Variants in WDFY4 observed in about 807,000 individuals in gnomAD.
WDFY4 encodes the protein WD repeat- and FYVE domain-containing protein 4.
A neutral mutation model predicts 351.9 loss-of-function variants in WDFY4; 169 were observed. The observed-to-expected ratio is 0.48, with a 90% CI of 0.42 to 0.55. The LOEUF is 0.55. Ranked by LOEUF, WDFY4 falls within the 20% of genes least tolerant of loss-of-function variation. The probability of loss-of-function intolerance (pLI) is 0.00; values close to 1 mark genes in which losing one functional copy is unlikely to be tolerated. For synonymous variants in WDFY4, 1,622 were observed against 1,574.6 expected (o/e 1.03, Z -0.71); for missense variants, 3,803 against 3,935.6 (o/e 0.97, Z 0.90).
At chr10:48,900,066 C>G (rs1771778425) in intron 45 of WDFY4, among the ~76,000 whole-genome samples, 155 bp from the exon 46 acceptor site, 1 of 152,176 alleles carries the variant, frequency 6.6e-6, no homozygotes, top group South Asian at 2.1e-4. Flanking sequence ...ATCCCTGTCA[C>G]CAAGGTCTTC....
chr10:48,914,227 G>C, intron 47 of WDFY4: 1 of 1,485,222 alleles, frequency 6.7e-7, no homozygotes, highest in Admixed American at 2.0e-5. Context: ...GAAAAATCAT[G>C]AAAAACTGCT....
chr10:48,842,265 G>A (rs2068632272), intron 39 of WDFY4, among the ~76,000 whole-genome samples: 1 of 151,942 alleles, frequency 6.6e-6, no homozygotes, highest in South Asian at 2.1e-4. Context: ...GCCCATCAAT[G>A]TGGGTGCGGG....
chr10:48,917,254 T>C (rs1421176895), intron 47 of WDFY4, among the ~76,000 whole-genome samples: 1 of 152,218 alleles, frequency 6.6e-6, no homozygotes, highest in Non-Finnish European at 1.5e-5. Flanking sequence ...CATGTGCCTC[T>C]ATCTCTATCT....
chr10:48,764,177 G>A (rs2065597003), intron 13 of WDFY4, among the ~76,000 whole-genome samples: 1 of 152,142 alleles, frequency 6.6e-6, no homozygotes, highest in African/African-American at 2.4e-5. Context: ...ATGTCATCTT[G>A]GAGGCCACAA....
intron 39 of WDFY4, among the ~76,000 whole-genome samples, chr10:48,861,082 T>C (rs1488019661): frequency 6.6e-6 from 1 of 152,184 alleles, no homozygotes; most frequent in Admixed American, 6.5e-5. Flanking sequence ...TCTCTCTGTG[T>C]AGGTTTTTTA....
chr10:48,947,054 G>A, intron 51 of WDFY4, 85 bp downstream of exon 51: 1 of 1,142,620 alleles, frequency 8.8e-7, no homozygotes, highest in Non-Finnish European at 1.2e-6. Flanking sequence ...ACCTGTGCTT[G>A]AACAAAGACA....
chr10:48,823,569 C>T, intron 35 of WDFY4: 1 of 1,067,958 alleles, frequency 9.4e-7, no homozygotes, highest in Non-Finnish European at 1.1e-6. Context: ...GACTTGAATT[C>T]AAAGGCTTCT....
intron 12 of WDFY4, among the ~76,000 whole-genome samples, chr10:48,751,016 T>C (rs1254612009): frequency 6.6e-6 from 1 of 152,194 alleles, no homozygotes; most frequent in Non-Finnish European, 1.5e-5. Context: ...TCGTGCCTGG[T>C]GTCCTGAAGA....
At chr10:48,862,022 G>A (rs910160016) in intron 39 of WDFY4, among the ~76,000 whole-genome samples, 2 of 152,016 alleles carry the variant, frequency 1.3e-5, no homozygotes, top group Admixed American at 1.3e-4. Context: ...TATCTGATAA[G>A]GTGTTCTATT....
At chr10:48,703,785 C>T (rs2063546153) in intron 1 of WDFY4, among the ~76,000 whole-genome samples, 1 of 152,210 alleles carries the variant, frequency 6.6e-6, no homozygotes, top group African/African-American at 2.4e-5. Flanking sequence ...TTGCTTCATG[C>T]TCCAGATGTT....
intron 13 of WDFY4, among the ~76,000 whole-genome samples, chr10:48,761,107 G>A (rs1277980389): frequency 1.3e-5 from 2 of 152,132 alleles, no homozygotes; most frequent in East Asian, 1.9e-4. Flanking sequence ...TCTCTAGATG[G>A]TGACATGTAA....
In WDFY4 at chr10:48,966,436, C is replaced by G. The variant is rs147239365; in HGVS notation, c.8437-90C>G. On this transcript the variant is annotated intron_variant, in intron 54 of 61. Coordinates refer to ENST00000325239, the MANE Select transcript of WDFY4 (RefSeq NM_001394531.1). Reference sequence around the variant, plus strand: ...GAACAAGCCGAGCTGTGGCAACCCCCAGAGACAGGGTGCAGCTACAGTGTG... The same window carrying G: ...GAACAAGCCGAGCTGTGGCAACCCCGAGAGACAGGGTGCAGCTACAGTGTG... The G allele has an allele frequency of 1.7e-4, 242 of 1,404,636 alleles. No homozygotes were observed. In the African/African-American group the frequency reaches 2.8e-3, roughly 16 times the overall value. The allele number at this position is 1,404,636 out of a possible 1,614,324, so 87.0% of individuals were successfully genotyped here. A position where few individuals can be genotyped will look rare whatever the true frequency, so the allele number is the denominator to read the frequency against.
At position 48,723,541 on chromosome 10, in the gene WDFY4, C is replaced by T; in HGVS notation, c.565C>T (p.Leu189Phe). ...CAAAGATGAGCTTCTTGAGAGTGAT[C>T]TTCAAGTTCAAAAGATGTTCGTGCA... ...LDKDELLESD[L>F]QVQKMFVQML... Residue 189 changes from leucine (L) to phenylalanine (F), a missense_variant, in exon 5 of 62, where the codon CTT (leucine) becomes TTT (phenylalanine). By Grantham distance (22) the Leu-to-Phe change is conservative (BLOSUM62 0). Coordinates refer to ENST00000325239, the MANE Select transcript of WDFY4 (RefSeq NM_001394531.1). 2 of 1,551,972 alleles carry T rather than the reference C, an allele frequency of 1.3e-6. No homozygotes were observed. The highest frequency in any genetic ancestry group is 2.4e-5 in the South Asian group (2 of 84,056).
rs1554824264 is a variant in WDFY4, at chr10:48,974,527, A to AC, written c.8929-335_8929-334insC. ...CAAAAAAAAAAAAAAAAAAAAAAAA[A>AC]AACAACTCATGACATGAACTGCTCC... On this transcript the variant is annotated intron_variant, in intron 57 of 61. Coordinates refer to ENST00000325239, the MANE Select transcript of WDFY4 (RefSeq NM_001394531.1). Among the ~76,000 whole-genome samples, 48 of 23,198 alleles carry AC rather than the reference A, an allele frequency of 2.1e-3. 11 individuals are homozygous for AC. The highest frequency in any genetic ancestry group is 3.4e-3 in the African/African-American group (47 of 13,810). The allele number at this position is 23,198 out of a possible 152,430, so 15.2% of individuals were successfully genotyped here. A position where few individuals can be genotyped will look rare whatever the true frequency, so the allele number is the denominator to read the frequency against.
intron 44 of WDFY4, among the ~76,000 whole-genome samples, chr10:48,890,942 G>T (rs964358192): frequency 5.3e-5 from 8 of 152,306 alleles, no homozygotes; most frequent in South Asian, 2.1e-4. Flanking sequence ...TAATGTGGCA[G>T]CTCCTCACAT....
intron 12 of WDFY4, among the ~76,000 whole-genome samples, chr10:48,748,857 G>A (rs1054354690): frequency 6.6e-6 from 1 of 152,164 alleles, no homozygotes; most frequent in Non-Finnish European, 1.5e-5. Flanking sequence ...TATGTCCTTG[G>A]GCAAGTGGCT....
chr10:48,710,887 T>G (rs969796655), intron 2 of WDFY4, among the ~76,000 whole-genome samples: 8 of 152,350 alleles, frequency 5.3e-5, no homozygotes, highest in African/African-American at 1.9e-4. Context: ...GGAGCAATAC[T>G]CCTGCCAGTG....
chr10:48,959,389 C>T (rs1477161445), intron 52 of WDFY4, among the ~76,000 whole-genome samples: 5 of 152,190 alleles, frequency 3.3e-5, no homozygotes, highest in African/African-American at 4.8e-5. Flanking sequence ...TTGTTTAATG[C>T]TGTGTAAAAA....
intron 24 of WDFY4, among the ~76,000 whole-genome samples, chr10:48,801,667 G>T (rs1203060928): frequency 6.6e-6 from 1 of 151,958 alleles, no homozygotes; most frequent in Non-Finnish European, 1.5e-5. Context: ...CCTGGCGGAA[G>T]AACAATCCAC....
Sources: allele counts gnomAD v4.1 joint callset (sites outside exome capture counted in the v4.1 genomes callset), GRCh38; gene constraint gnomAD v4.1.1; transcripts MANE v1.5; gene names NCBI Gene and HGNC (gene_info 2026-07-23, HGNC 2026-07-21).